The following CCDC178 variants were observed in gnomAD, a reference collection of about 807,000 sequenced individuals.
CCDC178 encodes coiled-coil domain containing 178.
In CCDC178, 126 loss-of-function variants were observed where a neutral mutation model predicts 117.4. The ratio of observed to expected loss-of-function variants is 1.07; its 90% CI spans 0.93 to 1.24. The LOEUF (loss-of-function observed/expected upper bound fraction) is 1.24. CCDC178 is among the 50% of genes most tolerant of loss of function. CCDC178 has a pLI of 0.00. For missense variants in CCDC178, 1,030 were observed against 986.9 expected (o/e 1.04, Z -0.59); for synonymous variants, 283 against 313.4 (o/e 0.90, Z 1.02).
chr18:33,050,129 A>G (rs753625636), intron 21 of CCDC178, among the ~76,000 whole-genome samples: 1 of 152,098 alleles, frequency 6.6e-6, no homozygotes, highest in Non-Finnish European at 1.5e-5. Context: ...AACTAAGATC[A>G]CATTATTTAT....
chr18:33,333,184 T>A lies in CCDC178; in HGVS notation c.869A>T (p.Lys290Ile). Residue 290 changes from lysine (K) to isoleucine (I), a missense_variant, in exon 10 of 23, where the codon AAA becomes ATA. Lys to Ile is a moderately radical substitution (Grantham distance 102). Transcript: ENST00000383096. ...CATTCGTTTATTTACCTCCATTTTT[T>A]TTTTATAATGGTTCTTCAGATCTTG... ...ELQDLKNHYK[K>I]KMEVMDLHRK... 6.3e-7 allele frequency: 1 copy of A among 1,587,100 alleles called. No individual in the cohort carries two copies. The highest frequency in any genetic ancestry group is 8.6e-7 in the Non-Finnish European group (1 of 1,166,730).
chr18:33,184,696 C>T (rs2058769970), intron 20 of CCDC178, among the ~76,000 whole-genome samples: 1 of 152,008 alleles, frequency 6.6e-6, no homozygotes, highest in African/African-American at 2.4e-5. Flanking sequence ...TTTAATGAAT[C>T]AATTGCTTCC....
At chr18:33,141,239 C>T (rs1444607029) in intron 20 of CCDC178, among the ~76,000 whole-genome samples, 1 of 152,138 alleles carries the variant, frequency 6.6e-6, no homozygotes, top group Admixed American at 6.5e-5. Context: ...GAAAAGCACA[C>T]AGAAGGGAGA....
At chr18:33,428,790 G>C (rs1277669150) in intron 2 of CCDC178, among the ~76,000 whole-genome samples, 1 of 148,096 alleles carries the variant, frequency 6.8e-6, no homozygotes, top group African/African-American at 2.5e-5. Context: ...TGGATGGAGT[G>C]AGGGTAATAT....
intron 12 of CCDC178, among the ~76,000 whole-genome samples, chr18:33,274,119 AC>A (rs570412281): frequency 1.4e-3 from 212 of 151,996 alleles, no homozygotes; most frequent in African/African-American, 5.0e-3. Flanking sequence ...TATACAAATG[AC>A]AAACACAGGA....
chr18:33,033,043 T>C (rs994735909), intron 21 of CCDC178, among the ~76,000 whole-genome samples: 1 of 152,104 alleles, frequency 6.6e-6, no homozygotes, highest in African/African-American at 2.4e-5. Context: ...TTCACATACG[T>C]GAGACTCACT....
chr18:33,167,630 G>A (rs1466173797), intron 20 of CCDC178, among the ~76,000 whole-genome samples: 1 of 151,916 alleles, frequency 6.6e-6, no homozygotes, highest in Non-Finnish European at 1.5e-5. Context: ...TTGGGAGGTC[G>A]AGGCAGGTGG....
At chr18:33,245,146 TCC>T (rs2059533100) in intron 15 of CCDC178, 97 bp downstream of exon 15, 13 of 1,143,388 alleles carry the variant, frequency 1.1e-5, no homozygotes, top group Non-Finnish European at 1.4e-5. Context: ...AGACTGTTAA[TCC>T]TTAAATTAAA....
At chr18:33,280,176 T>C (rs999640805) in intron 12 of CCDC178, among the ~76,000 whole-genome samples, 2 of 151,902 alleles carry the variant, frequency 1.3e-5, no homozygotes, top group Non-Finnish European at 2.9e-5. Flanking sequence ...ACCTACAAAA[T>C]GGGAGAAAAT....
chr18:33,122,855 T>G (rs2057955543), intron 20 of CCDC178, among the ~76,000 whole-genome samples: 1 of 152,182 alleles, frequency 6.6e-6, no homozygotes, highest in Non-Finnish European at 1.5e-5. Flanking sequence ...CAAGCCTCAG[T>G]GTTCTATGAA....
At chr18:33,278,198 A>G (rs2059974005) in intron 12 of CCDC178, among the ~76,000 whole-genome samples, 1 of 150,846 alleles carries the variant, frequency 6.6e-6, no homozygotes, top group Non-Finnish European at 1.5e-5. Context: ...AAAGAAAGAA[A>G]TCATGACTTT....
At chr18:33,300,041 G>A (rs2062156884) in intron 11 of CCDC178, among the ~76,000 whole-genome samples, 1 of 152,194 alleles carries the variant, frequency 6.6e-6, no homozygotes, top group South Asian at 2.1e-4. Flanking sequence ...TTTCGGTCAT[G>A]GGGATGGATC....
intron 5 of CCDC178, among the ~76,000 whole-genome samples, chr18:33,371,772 C>T (rs2063303466): frequency 8.8e-6 from 1 of 113,974 alleles, no homozygotes; most frequent in Non-Finnish European, 1.8e-5. Flanking sequence ...CTCTTTAGTT[C>T]ATAAACATAT....
chr18:32,983,584 T>G (rs1199268000), intron 21 of CCDC178, among the ~76,000 whole-genome samples: 1 of 152,062 alleles, frequency 6.6e-6, no homozygotes, highest in African/African-American at 2.4e-5. Context: ...AAAGGCCATC[T>G]GGAAAAAATA....
At chr18:33,267,436 A>G (rs1022257646) in intron 12 of CCDC178, 139 bp from the exon 13 acceptor site, 10 of 515,258 alleles carry the variant, frequency 1.9e-5, no homozygotes, top group Non-Finnish European at 3.4e-5. Flanking sequence ...ATTCGGAATC[A>G]TAATTCATCA....
At chr18:33,206,865 GC>G (rs2059050524) in intron 20 of CCDC178, among the ~76,000 whole-genome samples, 1 of 152,128 alleles carries the variant, frequency 6.6e-6, no homozygotes, top group Non-Finnish European at 1.5e-5. Flanking sequence ...TTTGCTAGAA[GC>G]CCCCTGATAA....
At position 33,316,495 on chromosome 18, in the gene CCDC178, G is replaced by T. The variant is rs2062420048; in HGVS notation, c.1022+6996C>A. On this transcript the variant is annotated intron_variant, in intron 11 of 22. Coordinates refer to ENST00000383096, the MANE Select transcript of CCDC178 (RefSeq NM_001105528.4). ...CCCACACGCCGTGGGCTCCTGCACT[G>T]CCCTAGCCTCCCTGACGAGCGCCGC... Among the ~76,000 whole-genome samples, 6 of 152,032 alleles carry T rather than the reference G, an allele frequency of 3.9e-5. 1 individual carries two copies. The highest frequency in any genetic ancestry group is 3.9e-4 in the Admixed American group (6 of 15,272).
intron 20 of CCDC178, among the ~76,000 whole-genome samples, chr18:33,141,433 G>A (rs1270605215): frequency 6.6e-6 from 1 of 152,124 alleles, no homozygotes; most frequent in East Asian, 1.9e-4. Context: ...CAGATCAGAA[G>A]CAGAAGAGCT....
At chr18:33,212,321 A>C (rs753111434) in intron 19 of CCDC178, among the ~76,000 whole-genome samples, 2 of 151,980 alleles carry the variant, frequency 1.3e-5, no homozygotes, top group Non-Finnish European at 2.9e-5. Flanking sequence ...ATTTCAAGAA[A>C]ACCCCTCCTC....
Sources: allele counts gnomAD v4.1 joint callset (sites outside exome capture counted in the v4.1 genomes callset), GRCh38; gene constraint gnomAD v4.1.1; transcripts MANE v1.5; gene names NCBI Gene and HGNC (gene_info 2026-07-23, HGNC 2026-07-21).